FBXL17: variants seen among roughly 807,000 people sequenced by gnomAD.
FBXL17 encodes F-box/LRR-repeat protein 17.
Under a neutral mutation model 66.2 loss-of-function variants are expected in FBXL17, and 22 were observed. That is an observed-to-expected ratio of 0.33 (90% CI 0.24 to 0.47). FBXL17 has a LOEUF of 0.47. FBXL17 is among the 20% of genes least tolerant of loss of function. The pLI is 1.00. For missense variants in FBXL17, 878 were observed against 948.2 expected (o/e 0.93, Z 0.97); for synonymous variants, 474 against 400.5 (o/e 1.18, Z -2.19).
intron 6 of FBXL17, among the ~76,000 whole-genome samples, chr5:108,128,979 G>A (rs1188959510): frequency 1.3e-5 from 2 of 152,040 alleles, no homozygotes; most frequent in Non-Finnish European, 2.9e-5. Flanking sequence ...ATTTAAATGG[G>A]ATTTTTTGGT....
intron 7 of FBXL17, among the ~76,000 whole-genome samples, chr5:107,931,559 T>A (rs927678300): frequency 7.2e-5 from 11 of 151,978 alleles, no homozygotes; most frequent in Non-Finnish European, 1.0e-4. Context: ...GCTGAGAATT[T>A]TTTTTTTAAT....
At chr5:108,325,780 A>G (rs746627008) in intron 4 of FBXL17, among the ~76,000 whole-genome samples, 1 of 152,190 alleles carries the variant, frequency 6.6e-6, no homozygotes, top group Non-Finnish European at 1.5e-5. Context: ...TTAGGATTAG[A>G]GTCAGAAGTA....
intron 7 of FBXL17, among the ~76,000 whole-genome samples, chr5:107,969,938 T>C (rs1396029189): frequency 1.3e-5 from 2 of 152,194 alleles, no homozygotes; most frequent in African/African-American, 2.4e-5. Context: ...TGCTACATAA[T>C]TTTAAAATGA....
chr5:108,288,626 TGGAA>T (rs1757995461), intron 4 of FBXL17, among the ~76,000 whole-genome samples: 1 of 151,796 alleles, frequency 6.6e-6, no homozygotes, highest in South Asian at 2.1e-4. Flanking sequence ...CAGAAAATGA[TGGAA>T]GGGAGGAAAA....
At chr5:107,974,089 A>C (rs926786696) in intron 7 of FBXL17, among the ~76,000 whole-genome samples, 1 of 152,174 alleles carries the variant, frequency 6.6e-6, no homozygotes, top group Non-Finnish European at 1.5e-5. Context: ...GGTTTTGCAA[A>C]GGGTGATCTT....
chr5:108,198,476 T>C (rs573030256), intron 5 of FBXL17, among the ~76,000 whole-genome samples: 48 of 152,312 alleles, frequency 3.2e-4, no homozygotes, highest in Middle Eastern at 3.4e-3. Flanking sequence ...TTCAGCATTG[T>C]ACTTGATTTC....
chr5:107,987,110 G>A (rs556013258), intron 7 of FBXL17, among the ~76,000 whole-genome samples: 19 of 151,956 alleles, frequency 1.3e-4, no homozygotes, highest in Admixed American at 5.9e-4. Context: ...CCTTTGAAAA[G>A]AGATAGGAAA....
chr5:108,001,341 GA>G (rs1753715920), intron 7 of FBXL17, among the ~76,000 whole-genome samples: 1 of 151,894 alleles, frequency 6.6e-6, no homozygotes, highest in African/African-American at 2.4e-5. Context: ...CTGCAAAATG[GA>G]ATTAATCCCT....
intron 7 of FBXL17, among the ~76,000 whole-genome samples, chr5:107,891,243 C>T (rs760358701): frequency 8.5e-5 from 13 of 152,160 alleles, no homozygotes; most frequent in South Asian, 4.2e-4. Flanking sequence ...TGTTCCAAAA[C>T]GATGGAGTGC....
At chr5:108,270,608 A>G (rs1165526101) in intron 4 of FBXL17, among the ~76,000 whole-genome samples, 1 of 151,282 alleles carries the variant, frequency 6.6e-6, no homozygotes, top group Non-Finnish European at 1.5e-5. Context: ...TTAGCCATAA[A>G]CTTTGAGGAT....
intron 3 of FBXL17, among the ~76,000 whole-genome samples, chr5:108,348,765 T>C (rs943607168): frequency 1.1e-4 from 16 of 152,200 alleles, no homozygotes; most frequent in Non-Finnish European, 2.4e-4. Context: ...CTCCAAGGTA[T>C]GTATATTCCT....
chr5:108,371,865 G>A (rs1277202407), intron 1 of FBXL17, among the ~76,000 whole-genome samples: 1 of 152,116 alleles, frequency 6.6e-6, no homozygotes, highest in African/African-American at 2.4e-5. Flanking sequence ...CTGTGTATTG[G>A]TTCCTAGGTT....
intron 4 of FBXL17, among the ~76,000 whole-genome samples, chr5:108,318,515 G>A (rs948729332): frequency 1.1e-4 from 16 of 151,868 alleles, no homozygotes; most frequent in Middle Eastern, 3.4e-3. Context: ...TTTTGAGAGG[G>A]AAGTGAAAAC....
chr5:107,995,720 G>A (rs563033185), intron 7 of FBXL17, among the ~76,000 whole-genome samples: 8 of 150,754 alleles, frequency 5.3e-5, no homozygotes, highest in Non-Finnish European at 8.9e-5. Flanking sequence ...ATGATGTTAT[G>A]AAATAAAAAT....
At chr5:108,166,894 T>A (rs1225554997) in intron 6 of FBXL17, among the ~76,000 whole-genome samples, 1 of 152,232 alleles carries the variant, frequency 6.6e-6, no homozygotes, top group Non-Finnish European at 1.5e-5. Flanking sequence ...CTCCTATTAA[T>A]CCATTAGATG....
chr5:108,229,347 T>C (rs1177953767), intron 4 of FBXL17, among the ~76,000 whole-genome samples: 2 of 152,246 alleles, frequency 1.3e-5, no homozygotes, highest in South Asian at 2.1e-4. Context: ...CAAAACAGCA[T>C]GGTACTGGTA....
At chr5:108,057,925 CCA>C (rs1747771843) in intron 6 of FBXL17, among the ~76,000 whole-genome samples, 1 of 152,122 alleles carries the variant, frequency 6.6e-6, no homozygotes, top group Non-Finnish European at 1.5e-5. Context: ...ATAAAAAACA[CCA>C]CGTGAGGTGG....
intron 4 of FBXL17, among the ~76,000 whole-genome samples, chr5:108,232,805 A>AAT (rs1554077827): frequency 9.5e-6 from 1 of 105,174 alleles, no homozygotes; most frequent in African/African-American, 3.5e-5. Context: ...ATATATATAT[A>AAT]ATATATACTA....
At chr5:107,961,373 T>A (rs1408533919) in intron 7 of FBXL17, among the ~76,000 whole-genome samples, 1 of 151,844 alleles carries the variant, frequency 6.6e-6, no homozygotes, top group Non-Finnish European at 1.5e-5. Flanking sequence ...TACAGGCACA[T>A]AACACCAGGC....
Sources: gnomAD v4.1 joint callset for allele counts (sites outside exome capture counted in the v4.1 genomes callset) on GRCh38, gnomAD v4.1.1 for gene constraint, MANE v1.5 for transcripts, NCBI Gene and HGNC (gene_info 2026-07-23, HGNC 2026-07-21) for gene names.